KCNQ3: variants seen among roughly 807,000 people sequenced by gnomAD.
KCNQ3 encodes potassium voltage-gated channel subfamily KQT member 3.
Under a neutral mutation model 92.5 loss-of-function variants are expected in KCNQ3, and 30 were observed. The observed-to-expected ratio is 0.32, with a 90% confidence interval of 0.24 to 0.44. The LOEUF (loss-of-function observed/expected upper bound fraction) is 0.44. Among genes scored for constraint, KCNQ3 ranks in the 20% least tolerant of loss-of-function variants. The pLI, the probability that KCNQ3 is intolerant of heterozygous loss-of-function variation, is 1.00. For missense variants in KCNQ3, 913 were observed against 1,140.3 expected, an observed-to-expected ratio of 0.80 and a Z score of 2.87; for synonymous variants, 450 against 468.8, an observed-to-expected ratio of 0.96 and a Z score of 0.52.
chr8:132,479,194 C>T (rs372746658), intron 1 of KCNQ3, among the ~76,000 whole-genome samples: 2 of 152,096 alleles, frequency 1.3e-5, no homozygotes, highest in African/African-American at 4.8e-5. Flanking sequence ...CTCCCAAATA[C>T]GGGTGGATTT....
At chr8:132,241,802 C>A (rs916747557) in intron 1 of KCNQ3, among the ~76,000 whole-genome samples, 1 of 152,008 alleles carries the variant, frequency 6.6e-6, no homozygotes, top group Non-Finnish European at 1.5e-5. Context: ...CCACTGCACT[C>A]CAGCCTGGGC....
At chr8:132,246,557 A>G (rs1273227527) in intron 1 of KCNQ3, among the ~76,000 whole-genome samples, 1 of 152,248 alleles carries the variant, frequency 6.6e-6, no homozygotes, top group African/African-American at 2.4e-5. Flanking sequence ...GATTGCTGCC[A>G]TGATAATGTC....
At chr8:132,434,593 T>C (rs1821344699) in intron 1 of KCNQ3, among the ~76,000 whole-genome samples, 1 of 152,196 alleles carries the variant, frequency 6.6e-6, no homozygotes, top group Non-Finnish European at 1.5e-5. Context: ...AAATGGAGGC[T>C]TAGAGAAGTT....
intron 1 of KCNQ3, among the ~76,000 whole-genome samples, chr8:132,469,626 G>T (rs751284237): frequency 6.6e-6 from 1 of 151,814 alleles, no homozygotes; most frequent in Non-Finnish European, 1.5e-5. Flanking sequence ...ACACTGTCCC[G>T]CTTGTTAAAA....
Position 132,480,874 on chromosome 8 carries a change from GGGCGGCGGCGGC to G in KCNQ3, c.-354_-343del, listed in dbSNP as rs963622181. On this transcript the variant is annotated 5_prime_UTR_variant, in exon 1 of 15. Transcript: ENST00000388996. ...GCGGGAGCCTGGAACCGGCGCTCCG[GGGCGGCGGCGGC>G]GGCGGCGGCACCCAGGCCGGCGAGC... 2 of 154,794 alleles carry G rather than the reference GGGCGGCGGCGGC, an allele frequency of 1.3e-5. No homozygotes were observed. The highest frequency in any genetic ancestry group is 1.9e-4 in the East Asian group (1 of 5,252). The allele number at this position is 154,794 out of a possible 1,614,324, so 9.6% of individuals were successfully genotyped here.
chr8:132,279,666 G>A (rs777775464), intron 1 of KCNQ3, among the ~76,000 whole-genome samples: 5 of 152,038 alleles, frequency 3.3e-5, no homozygotes, highest in Non-Finnish European at 5.9e-5. Context: ...AGATACACAC[G>A]CACACACACG....
intron 1 of KCNQ3, among the ~76,000 whole-genome samples, chr8:132,274,636 A>G (rs1213497391): frequency 6.6e-6 from 1 of 152,216 alleles, no homozygotes; most frequent in Non-Finnish European, 1.5e-5. Flanking sequence ...TTCATCAAAC[A>G]GTGATTGCAT....
Position 132,122,672 on chromosome 8 carries a change from G to C in KCNQ3, c.*6590C>G, listed in dbSNP as rs1824520583. On this transcript the variant is annotated 3_prime_UTR_variant, in exon 15 of 15. Coordinates refer to ENST00000388996, the MANE Select transcript of KCNQ3 (RefSeq NM_004519.4). The stretch of plus-strand genomic sequence containing the variant: ...GCCAACTATTGTTGTTCTAGAACTT[G>C]ACCATCCTTCTTTCTGAATATCTCT... The C allele has an allele frequency of 6.6e-6, 1 of 152,114 alleles. No homozygotes were observed. The highest frequency in any genetic ancestry group is 2.1e-4 in the South Asian group (1 of 4,806). The allele number at this position is 152,114 out of a possible 1,614,324, so 9.4% of individuals were successfully genotyped here. A position where few individuals can be genotyped will look rare whatever the true frequency, so the allele number is the denominator to read the frequency against.
At chr8:132,347,977 T>TA (rs5895138) in intron 1 of KCNQ3, among the ~76,000 whole-genome samples, 342 of 77,828 alleles carry the variant, frequency 4.4e-3, no homozygotes, top group Middle Eastern at 8.9e-3. Context: ...AGACTCCATC[T>TA]AAAAAAAAAA....
At chr8:132,319,259 G>A (rs1475666508) in intron 1 of KCNQ3, among the ~76,000 whole-genome samples, 1 of 152,144 alleles carries the variant, frequency 6.6e-6, no homozygotes, top group East Asian at 1.9e-4. Flanking sequence ...CAGAGAGATT[G>A]AGTAGCTTGT....
At chr8:132,270,173 A>G (rs1816107914) in intron 1 of KCNQ3, among the ~76,000 whole-genome samples, 1 of 152,174 alleles carries the variant, frequency 6.6e-6, no homozygotes, top group Non-Finnish European at 1.5e-5. Flanking sequence ...AGCTTTGCCA[A>G]AGTAATCAAA....
intron 1 of KCNQ3, among the ~76,000 whole-genome samples, chr8:132,214,284 G>A (rs1813956345): frequency 6.6e-6 from 1 of 152,108 alleles, no homozygotes; most frequent in Non-Finnish European, 1.5e-5. Context: ...AAAACAAGCA[G>A]GTAAATGTTT....
At chr8:132,259,155 G>A (rs1392722855) in intron 1 of KCNQ3, among the ~76,000 whole-genome samples, 2 of 151,852 alleles carry the variant, frequency 1.3e-5, no homozygotes, top group African/African-American at 4.8e-5. Flanking sequence ...CTCATTTTAT[G>A]AGGCTAGCAC....
chr8:132,425,724 G>C (rs117997738), intron 1 of KCNQ3, among the ~76,000 whole-genome samples: 1 of 152,104 alleles, frequency 6.6e-6, no homozygotes, highest in Non-Finnish European at 1.5e-5. Context: ...AAGATCCTCC[G>C]GCAGCATGAA....
chr8:132,139,738 C>T (rs1825223142), intron 11 of KCNQ3, among the ~76,000 whole-genome samples: 1 of 152,132 alleles, frequency 6.6e-6, no homozygotes, highest in South Asian at 2.1e-4. Flanking sequence ...GAAGCCTCTA[C>T]AGGAAGAAAA....
chr8:132,475,036 T>C (rs1262651408), intron 1 of KCNQ3, among the ~76,000 whole-genome samples: 1 of 152,116 alleles, frequency 6.6e-6, no homozygotes, highest in Non-Finnish European at 1.5e-5. Context: ...GTTTGATAAG[T>C]GTGTGACTCT....
At chr8:132,436,975 C>A (rs1316296105) in intron 1 of KCNQ3, among the ~76,000 whole-genome samples, 1 of 152,194 alleles carries the variant, frequency 6.6e-6, no homozygotes, top group Non-Finnish European at 1.5e-5. Flanking sequence ...TGCCAGTTTG[C>A]TTCTCTTAAG....
rs375273477 is a variant in KCNQ3, at chr8:132,300,496, CT to C, written c.387-114316del. Among the ~76,000 whole-genome samples, 4 of 152,270 alleles carry C rather than the reference CT, an allele frequency of 2.6e-5. No homozygotes were observed. The South Asian group carries it at 6.2e-4, about 24-fold the overall frequency. ...GGCACATTTTAAAAACCAGAACCTG[CT>C]GAGAGGTACCCCAAAAACCTTTCAG... On this transcript the variant is annotated intron_variant, in intron 1 of 14. Coordinates refer to ENST00000388996, the MANE Select transcript of KCNQ3 (RefSeq NM_004519.4).
At chr8:132,201,321 T>A (rs1462707916) in intron 1 of KCNQ3, among the ~76,000 whole-genome samples, 3 of 152,106 alleles carry the variant, frequency 2.0e-5, no homozygotes, top group Admixed American at 6.5e-5. Flanking sequence ...ATTCATTCTA[T>A]CCCAATAGCC....
Sources: allele counts gnomAD v4.1 joint callset (sites outside exome capture counted in the v4.1 genomes callset), GRCh38; gene constraint gnomAD v4.1.1; transcripts MANE v1.5; gene names NCBI Gene and HGNC (gene_info 2026-07-23, HGNC 2026-07-21).